The following LIN9 variants were observed in gnomAD, a reference collection of about 807,000 sequenced individuals.
LIN9 encodes the protein lin-9 DREAM MuvB core complex component, also known as protein lin-9 homolog.
LIN9 carries 18 observed loss-of-function variants against 78.0 expected under a neutral mutation model. That is an observed-to-expected ratio of 0.23 (90% CI 0.16 to 0.34). The LOEUF is 0.34. Among genes scored for constraint, LIN9 ranks in the 10% least tolerant of loss-of-function variants. The pLI, the probability that LIN9 is intolerant of heterozygous loss-of-function variation, is 1.00. For missense variants in LIN9, 451 were observed against 644.1 expected (o/e 0.70, Z 3.25); for synonymous variants, 192 against 215.2 (o/e 0.89, Z 0.94).
chr1:226,275,496 C>T (rs1660586951), intron 7 of LIN9, among the ~76,000 whole-genome samples: 1 of 150,188 alleles, frequency 6.7e-6, no homozygotes, highest in African/African-American at 2.5e-5. Context: ...GAGTTCGAGA[C>T]CAGCCTGACC....
intron 2 of LIN9, among the ~76,000 whole-genome samples, chr1:226,300,946 TAGAA>T (rs1375277495): frequency 2.0e-5 from 3 of 152,184 alleles, no homozygotes; most frequent in Non-Finnish European, 4.4e-5. Context: ...AATGTTTAAT[TAGAA>T]AGGTTTTTAA....
chr1:226,241,384 A>G (rs1374851893), intron 11 of LIN9, among the ~76,000 whole-genome samples: 1 of 152,222 alleles, frequency 6.6e-6, no homozygotes, highest in African/African-American at 2.4e-5. Flanking sequence ...ACTCAGAACT[A>G]GTTAATCAAA....
At chr1:226,286,578 A>G in intron 5 of LIN9, 120 bp from the exon 6 acceptor site, 2 of 691,852 alleles carry the variant, frequency 2.9e-6, no homozygotes, top group Non-Finnish European at 4.6e-6. Context: ...AACTGGCACA[A>G]ATTCAAAGTG....
chr1:226,270,786 C>T (rs772815765), intron 7 of LIN9, among the ~76,000 whole-genome samples: 1 of 131,312 alleles, frequency 7.6e-6, no homozygotes, highest in Non-Finnish European at 1.5e-5. Flanking sequence ...GATAGTACCA[C>T]TGCACTCCAG....
intron 10 of LIN9, among the ~76,000 whole-genome samples, chr1:226,253,634 G>A (rs1247421696): frequency 6.6e-6 from 1 of 151,710 alleles, no homozygotes; most frequent in Non-Finnish European, 1.5e-5. Context: ...AAATAAAAAG[G>A]GCCGGGTACG....
intron 7 of LIN9, among the ~76,000 whole-genome samples, chr1:226,272,077 G>A (rs1660316265): frequency 6.9e-6 from 1 of 144,338 alleles, no homozygotes; most frequent in Non-Finnish European, 1.5e-5. Context: ...TTGAGACAGA[G>A]TCTCACTGTT....
At chr1:226,257,738 G>A (rs1218720451) in intron 10 of LIN9, among the ~76,000 whole-genome samples, 1 of 152,054 alleles carries the variant, frequency 6.6e-6, no homozygotes, top group Admixed American at 6.6e-5. Context: ...CACAAAAAAA[G>A]AGTGGAATAT....
Position 226,232,417 on chromosome 1 carries a change from G to T in LIN9, c.*84C>A. Reference sequence around the variant, plus strand: ...ATTTCCCTTGTTTTCCAGCAGTTAGGTTATTTGGTGTTGGAAGCCTATATA... The same window carrying T: ...ATTTCCCTTGTTTTCCAGCAGTTAGTTTATTTGGTGTTGGAAGCCTATATA... On this transcript the variant is annotated 3_prime_UTR_variant, in exon 15 of 15. Coordinates refer to ENST00000681046, the MANE Select transcript of LIN9 (RefSeq NM_001366245.2). 1.2e-6 allele frequency: 1 copy of T among 815,754 alleles called. No individual in the cohort carries two copies. The highest frequency in any genetic ancestry group is 2.0e-6 in the Non-Finnish European group (1 of 507,174). 50.5% of individuals were successfully genotyped at this position (815,754 alleles called of 1,614,324 possible).
rs200305478 is a variant in LIN9 at position 226,277,584 on chromosome 1, C to CT, written c.682+190dup. The stretch of plus-strand genomic sequence containing the variant: ...TCAAGTGATGTGTACTACAGAACCC[C>CT]TACTCCATCCCTGAGCATCAACCAG... On this transcript the variant is annotated intron_variant, in intron 7 of 14. Transcript: ENST00000681046. 4.1e-3 allele frequency among the ~76,000 whole-genome samples: 631 copies of CT among 152,312 alleles called. 26 individuals carry two copies. The South Asian group carries it at 0.075, about 18-fold the overall frequency.
At chr1:226,232,720 G>C in intron 14 of LIN9, 114 bp from the exon 15 acceptor site, 1 of 594,098 alleles carries the variant, frequency 1.7e-6, no homozygotes, top group Non-Finnish European at 2.9e-6. Flanking sequence ...CTTAGGGAAG[G>C]AATAAATCTC....
chr1:226,297,307 C>T (rs1463947441), intron 3 of LIN9, among the ~76,000 whole-genome samples: 1 of 152,184 alleles, frequency 6.6e-6, no homozygotes, highest in Non-Finnish European at 1.5e-5. Flanking sequence ...CAATTATATG[C>T]TCATCTCTAC....
At chr1:226,290,465 C>T (rs930054596) in intron 4 of LIN9, among the ~76,000 whole-genome samples, 2 of 151,892 alleles carry the variant, frequency 1.3e-5, no homozygotes, top group African/African-American at 4.8e-5. Context: ...CTCAGCCTCC[C>T]GAGTAGCTGG....
intron 4 of LIN9, among the ~76,000 whole-genome samples, chr1:226,290,410 G>A (rs967130780): frequency 9.3e-5 from 14 of 149,952 alleles, no homozygotes; most frequent in African/African-American, 1.5e-4. Context: ...GCACGATCTC[G>A]GCTCACTGCA....
intron 11 of LIN9, among the ~76,000 whole-genome samples, chr1:226,243,813 A>G (rs1025494480): frequency 3.9e-5 from 6 of 152,024 alleles, no homozygotes; most frequent in African/African-American, 1.2e-4. Flanking sequence ...ATGAAACTCA[A>G]TAAGAATGGT....
At chr1:226,309,073 C>A (rs1488741224) in intron 1 of LIN9, 36 bp downstream of exon 1, 16 of 1,307,748 alleles carry the variant, frequency 1.2e-5, no homozygotes, top group Non-Finnish European at 1.6e-5. Context: ...AAGCAGCAGG[C>A]GGGAAAAGGG....
intron 6 of LIN9, among the ~76,000 whole-genome samples, chr1:226,281,744 A>G (rs1425811193): frequency 6.9e-6 from 1 of 144,374 alleles, no homozygotes; most frequent in Non-Finnish European, 1.5e-5. Context: ...CCCAGGCTGG[A>G]GTGCAGTGGT....
intron 11 of LIN9, among the ~76,000 whole-genome samples, chr1:226,249,191 G>A (rs1658671444): frequency 6.6e-6 from 1 of 152,252 alleles, no homozygotes; most frequent in East Asian, 1.9e-4. Context: ...AAACAGAAGT[G>A]GGGTGGAAGA....
chr1:226,275,862 T>TA (rs1432389353), intron 7 of LIN9, among the ~76,000 whole-genome samples: 1 of 151,934 alleles, frequency 6.6e-6, no homozygotes, highest in Non-Finnish European at 1.5e-5. Context: ...TCATCTCTAC[T>TA]AAAAAAATTA....
chr1:226,297,012 G>T (rs1662196397), intron 3 of LIN9, among the ~76,000 whole-genome samples: 1 of 152,076 alleles, frequency 6.6e-6, no homozygotes, highest in Admixed American at 6.6e-5. Context: ...AAAACAAAAA[G>T]AAATTAAACC....
Sources: allele counts gnomAD v4.1 joint callset (sites outside exome capture counted in the v4.1 genomes callset), GRCh38; gene constraint gnomAD v4.1.1; transcripts MANE v1.5; gene names NCBI Gene and HGNC (gene_info 2026-07-23, HGNC 2026-07-21).